Variants in FMN2 observed in about 807,000 individuals in gnomAD.
FMN2 encodes formin 2.
A neutral mutation model predicts 142.3 loss-of-function variants in FMN2; 51 were observed. The ratio of observed to expected loss-of-function variants is 0.36; its 90% CI spans 0.29 to 0.45. FMN2 has a LOEUF of 0.45. FMN2 is among the 20% of genes least tolerant of loss of function. FMN2 has a pLI of 1.00. For synonymous variants in FMN2, 882 were observed against 869.8 expected (o/e 1.01, Z -0.25); for missense variants, 1,936 against 2,122.8 (o/e 0.91, Z 1.73).
intron 6 of FMN2, among the ~76,000 whole-genome samples, chr1:240,224,889 A>G (rs567645157): frequency 3.3e-5 from 5 of 152,290 alleles, no homozygotes; most frequent in Admixed American, 6.5e-5. Context: ...CAAGGAGTCA[A>G]TCATGGTGAA....
intron 7 of FMN2, among the ~76,000 whole-genome samples, chr1:240,290,397 T>C (rs1669739948): frequency 6.6e-6 from 1 of 152,190 alleles, no homozygotes; most frequent in Non-Finnish European, 1.5e-5. Context: ...TGAAATTAAC[T>C]TTTAACTATT....
intron 15 of FMN2, among the ~76,000 whole-genome samples, chr1:240,429,671 C>T (rs1572299270): frequency 2.6e-5 from 4 of 152,050 alleles, no homozygotes; most frequent in East Asian, 1.9e-4. Context: ...AATCATATGG[C>T]GTGTATAATT....
chr1:240,209,386 G>GA (rs1263002386), intron 5 of FMN2, among the ~76,000 whole-genome samples: 11 of 151,438 alleles, frequency 7.3e-5, no homozygotes, highest in Admixed American at 7.2e-4. Flanking sequence ...GAGTAGCTGG[G>GA]ACTACAGGCG....
chr1:240,188,614 T>G (rs754480615), intron 4 of FMN2, among the ~76,000 whole-genome samples: 9 of 152,180 alleles, frequency 5.9e-5, no homozygotes, highest in African/African-American at 2.2e-4. Context: ...GCTATGATCT[T>G]TAAAAAGAAA....
chr1:240,318,339 T>G (rs2102996720), intron 8 of FMN2, among the ~76,000 whole-genome samples: 1 of 152,316 alleles, frequency 6.6e-6, no homozygotes, highest in South Asian at 2.1e-4. Context: ...AAGAGAAAGG[T>G]TTTCTGCTCT....
chr1:240,443,288 C>T (rs373759038), intron 16 of FMN2, among the ~76,000 whole-genome samples: 10 of 152,240 alleles, frequency 6.6e-5, no homozygotes, highest in African/African-American at 2.2e-4. Context: ...GATCTTGTCA[C>T]GAATCAGAAA....
chr1:240,382,516 C>T lies in FMN2; in HGVS notation c.4859-9995C>T, dbSNP rs542059427. Among the ~76,000 whole-genome samples, 22 of 152,044 alleles carry T rather than the reference C, an allele frequency of 1.4e-4. No individual in the cohort carries two copies. The South Asian group carries it at 3.7e-3, about 26-fold the overall frequency. On this transcript the variant is annotated intron_variant, in intron 14 of 17. Transcript: ENST00000319653. Reference sequence around the variant, plus strand: ...CCTCTACTAAAAATACAAAAATTAGCCAGGTGTGGTGGTGGCTGCCTGTAA... The same window carrying T: ...CCTCTACTAAAAATACAAAAATTAGTCAGGTGTGGTGGTGGCTGCCTGTAA...
chr1:240,242,968 G>C (rs757950007), intron 6 of FMN2, among the ~76,000 whole-genome samples: 1 of 152,124 alleles, frequency 6.6e-6, no homozygotes, highest in African/African-American at 2.4e-5. Context: ...ACCACTTGTG[G>C]GCATGGTCAG....
At chr1:240,143,601 C>G in intron 2 of FMN2, 1 of 1,608,274 alleles carries the variant, frequency 6.2e-7, no homozygotes, top group South Asian at 1.1e-5. Flanking sequence ...ACACATCTAC[C>G]AGTGTGTTGG....
intron 15 of FMN2, among the ~76,000 whole-genome samples, chr1:240,432,042 G>T (rs914598210): frequency 2.0e-5 from 3 of 151,870 alleles, no homozygotes; most frequent in African/African-American, 2.4e-5. Flanking sequence ...GTTAGTGTAA[G>T]ATTGGCTTTA....
Position 240,333,922 on chromosome 1 carries a change from G to A in FMN2, c.4620G>A (p.Ser1540=), listed in dbSNP as rs369715134. 94 of 1,609,574 alleles carry A rather than the reference G, an allele frequency of 5.8e-5. No homozygotes were observed. The highest frequency in any genetic ancestry group is 1.7e-4 in the Middle Eastern group (1 of 6,022). ...GAAGCCTTTTGTCATATATTGTTTC[G>A]TATTATCTCCGAAATTTTGATGAGG... ...NSRSLLSYIV[S]YYLRNFDEDA... is the part of the protein sequence containing the mutation. Residue 1540 remains serine, a synonymous_variant, in exon 12 of 18, where the codon TCG becomes TCA. Coordinates refer to ENST00000319653, the MANE Select transcript of FMN2 (RefSeq NM_020066.5).
Position 240,206,876 on chromosome 1 carries a change from C to A in FMN2, c.2064C>A (p.Thr688=), listed in dbSNP as rs778111719. Residue 688 remains threonine (T), a synonymous_variant, in exon 5 of 18, where the codon ACC becomes ACA. Coordinates refer to ENST00000319653, the MANE Select transcript of FMN2 (RefSeq NM_020066.5). ...QLEQTIEDLR[T]KIAELERQYP... ...AACAGACTATTGAGGATCTGAGAAC[C>A]AAAATAGCTGAACTAGAGAGGCAGT... The A allele has an allele frequency of 3.7e-6, 6 of 1,614,096 alleles. No individual in the cohort carries two copies. The Admixed American group carries it at 6.7e-5, about 18-fold the overall frequency.
chr1:240,343,194 C>G (rs1019222709), intron 13 of FMN2, among the ~76,000 whole-genome samples: 5 of 152,280 alleles, frequency 3.3e-5, no homozygotes, highest in African/African-American at 9.6e-5. Flanking sequence ...TTTGAAAAAG[C>G]CTCCCAGCCA....
rs1043316454 is a variant in FMN2 at position 240,474,787 on chromosome 1, G to C, written c.*633G>C. The C allele has an allele frequency of 6.6e-6, 1 of 152,392 alleles. No homozygotes were observed. The highest frequency in any genetic ancestry group is 2.4e-5 in the African/African-American group (1 of 41,428). The allele number at this position is 152,392 out of a possible 1,614,324, so 9.4% of individuals were successfully genotyped here. A position where few individuals can be genotyped will look rare whatever the true frequency, so the allele number is the denominator to read the frequency against. The stretch of plus-strand genomic sequence containing the variant: ...ATTGTGATGGTTTTGTATGAGCTGG[G>C]TGTTTTTTTCCATTACTTTTAATGA... On this transcript the variant is annotated 3_prime_UTR_variant, in exon 18 of 18. Coordinates refer to ENST00000319653, the MANE Select transcript of FMN2 (RefSeq NM_020066.5).
intron 8 of FMN2, among the ~76,000 whole-genome samples, chr1:240,321,994 A>G (rs1670987462): frequency 6.6e-6 from 1 of 152,142 alleles, no homozygotes; most frequent in African/African-American, 2.4e-5. Context: ...AGTTGAAAAT[A>G]TCTTTAATAA....
At chr1:240,332,525 T>C (rs1207025623) in intron 11 of FMN2, among the ~76,000 whole-genome samples, 1 of 152,174 alleles carries the variant, frequency 6.6e-6, no homozygotes, top group East Asian at 1.9e-4. Flanking sequence ...AAATAGATTC[T>C]AGTGATCATA....
At position 240,473,374 on chromosome 1, in the gene FMN2, T is replaced by C. The variant is rs1031451964; in HGVS notation, c.5143-754T>C. Among the ~76,000 whole-genome samples, 1 of 152,196 alleles carries C rather than the reference T, an allele frequency of 6.6e-6. No individual in the cohort carries two copies. Among genetic ancestry groups the C allele is most frequent in the African/African-American group, 2.4e-5 (1 of 41,466 alleles). ...AAAATGACAAGGCTTTTCCTTGTGA[T>C]ACTGAGGATGTTTTGTTGACTGTTT... On this transcript the variant is annotated intron_variant, in intron 17 of 17. Transcript: ENST00000319653. This position sits in a 1 kb window ranked among gnomAD's most constrained non-coding sequence, Gnocchi z 4.3.
At chr1:240,149,192 C>G (rs1370215411) in intron 2 of FMN2, among the ~76,000 whole-genome samples, 2 of 151,862 alleles carry the variant, frequency 1.3e-5, no homozygotes, top group Non-Finnish European at 2.9e-5. Context: ...TTCAAACAAC[C>G]CTAGAAAAAT....
chr1:240,433,161 G>A lies in FMN2; in HGVS notation c.4911-4900G>A, dbSNP rs1463357245. ...TGTTTCATTAGATGCGTATCTTTAT[G>A]ATTGTTATGTCTTCTTGATAATGTG... is the stretch of plus-strand genomic sequence containing the variant. On this transcript the variant is annotated intron_variant, in intron 15 of 17. Transcript: ENST00000319653. Among the ~76,000 whole-genome samples, 3 of 152,044 alleles carry A rather than the reference G, an allele frequency of 2.0e-5. No homozygotes were observed. In the East Asian group the frequency reaches 5.8e-4, roughly 29 times the overall value.
Sources: allele counts gnomAD v4.1 joint callset (sites outside exome capture counted in the v4.1 genomes callset), GRCh38; gene constraint gnomAD v4.1.1; non-coding constraint Gnocchi (gnomAD v3.1); transcripts MANE v1.5; gene names NCBI Gene and HGNC (gene_info 2026-07-23, HGNC 2026-07-21).